The following PHF24 variants were observed in gnomAD, a reference collection of about 807,000 sequenced individuals.
PHF24 encodes PHD finger protein 24.
A neutral mutation model predicts 42.6 loss-of-function variants in PHF24; 25 were observed. The ratio of observed to expected loss-of-function variants is 0.59; its 90% CI spans 0.43 to 0.82. PHF24 has a LOEUF of 0.82. Ranked by LOEUF, PHF24 falls within the 40% of genes least tolerant of loss-of-function variation. The pLI, the probability that PHF24 is intolerant of heterozygous loss-of-function variation, is 0.00. For missense variants in PHF24, 470 were observed against 538.1 expected (o/e 0.87, Z 1.25); for synonymous variants, 185 against 204.8 (o/e 0.90, Z 0.83).
intron 1 of PHF24, among the ~76,000 whole-genome samples, chr9:34,966,242 G>T (rs1436622949): frequency 6.6e-6 from 1 of 152,090 alleles, no homozygotes; most frequent in Non-Finnish European, 1.5e-5. Flanking sequence ...CCTGCCACAG[G>T]ATCCAGCCAA....
chr9:34,672,992 A>G, the PHF24 span, among the ~76,000 whole-genome samples: 1 of 152,090 alleles, frequency 6.6e-6, no homozygotes, highest in Non-Finnish European at 1.5e-5. Flanking sequence ...ATTAAATTTC[A>G]GCATGAGTTT....
chr9:34,758,760 A>C, the PHF24 span, among the ~76,000 whole-genome samples: 38 of 152,122 alleles, frequency 2.5e-4, 1 homozygote, highest in Non-Finnish European at 1.5e-5. The surrounding 1 kb of genome is among the most constrained non-coding windows in gnomAD (Gnocchi z 4.4). Flanking sequence ...AGCTGTGTGA[A>C]TATTAGGCAG....
intron 1 of PHF24, among the ~76,000 whole-genome samples, chr9:34,964,050 A>C (rs1334312369): frequency 6.6e-6 from 1 of 152,232 alleles, no homozygotes; most frequent in African/African-American, 2.4e-5. Flanking sequence ...TTTAATTCAC[A>C]TGCTCTGTGG....
At chr9:34,890,926 G>A in the PHF24 span, among the ~76,000 whole-genome samples, 1,013 of 152,284 alleles carry the variant, frequency 6.7e-3, 8 homozygotes, top group African/African-American at 0.018. Context: ...TTGGTGTTTT[G>A]AAAGCATGGC....
At chr9:34,880,345 T>C in the PHF24 span, among the ~76,000 whole-genome samples, 2 of 152,170 alleles carry the variant, frequency 1.3e-5, no homozygotes, top group African/African-American at 4.8e-5. Context: ...AATTTACACA[T>C]AACAATATTA....
At chr9:34,839,368 T>C in the PHF24 span, among the ~76,000 whole-genome samples, 13 of 152,210 alleles carry the variant, frequency 8.5e-5, no homozygotes, top group Non-Finnish European at 1.6e-4. Flanking sequence ...AGGATTTTTA[T>C]TTGTTTGCTT....
At chr9:34,673,684 T>G in the PHF24 span, among the ~76,000 whole-genome samples, 4,422 of 150,936 alleles carry the variant, frequency 0.029, 213 homozygotes, top group African/African-American at 0.1. Flanking sequence ...TGCAGTGGTG[T>G]GATCTCGGCT....
the PHF24 span, among the ~76,000 whole-genome samples, chr9:34,897,349 G>A: frequency 6.6e-5 from 10 of 152,144 alleles, no homozygotes; most frequent in African/African-American, 2.4e-4. Context: ...CAAAGACAAG[G>A]CATCCACAAG....
the PHF24 span, among the ~76,000 whole-genome samples, chr9:34,722,036 A>G: frequency 4.0e-5 from 6 of 151,804 alleles, no homozygotes; most frequent in African/African-American, 1.5e-4. Context: ...CTCCATTTAC[A>G]CTTAGTTGTT....
chr9:34,827,147 C>G, the PHF24 span, among the ~76,000 whole-genome samples: 3 of 152,116 alleles, frequency 2.0e-5, no homozygotes, highest in Non-Finnish European at 1.5e-5. Flanking sequence ...CCTGCTCCAC[C>G]CTAAACCAGG....
chr9:34,823,145 G>A, the PHF24 span, among the ~76,000 whole-genome samples: 1 of 140,820 alleles, frequency 7.1e-6, no homozygotes, highest in Admixed American at 7.8e-5. Flanking sequence ...GCAGTGAGCC[G>A]AGATTGCGCC....
At chr9:34,716,565 C>CTTTGCTTTGTTTTGTTTTGT in the PHF24 span, among the ~76,000 whole-genome samples, 1 of 148,212 alleles carries the variant, frequency 6.7e-6, no homozygotes, top group African/African-American at 2.5e-5. Context: ...TTTTGTTTTG[C>CTTTGCTTTGTTTTGTTTTGT]TTTGTTTTGT....
the PHF24 span, among the ~76,000 whole-genome samples, chr9:34,947,074 C>A: frequency 6.6e-6 from 1 of 152,170 alleles, no homozygotes; most frequent in Non-Finnish European, 1.5e-5. Flanking sequence ...CATTCAGCTG[C>A]CAATTATAGT....
chr9:34,842,965 TTAA>T, the PHF24 span, among the ~76,000 whole-genome samples: 27 of 152,218 alleles, frequency 1.8e-4, no homozygotes, highest in African/African-American at 5.3e-4. Context: ...GTTTCTCTAA[TTAA>T]TAATGATGTT....
upstream of PHF24, among the ~76,000 whole-genome samples, chr9:34,952,712 C>CA (rs1826292993): frequency 6.6e-6 from 1 of 152,120 alleles, no homozygotes; most frequent in African/African-American, 2.4e-5. Flanking sequence ...TAGACCCACA[C>CA]AAAAATTGCC....
At chr9:34,858,686 G>A in the PHF24 span, among the ~76,000 whole-genome samples, 1 of 152,164 alleles carries the variant, frequency 6.6e-6, no homozygotes, top group Non-Finnish European at 1.5e-5. Context: ...GCCTGACTCT[G>A]GGTTGGTTTG....
At chr9:34,789,190 T>G in the PHF24 span, among the ~76,000 whole-genome samples, 1 of 151,852 alleles carries the variant, frequency 6.6e-6, no homozygotes, top group African/African-American at 2.4e-5. Flanking sequence ...AAGACAGAGG[T>G]GGGAACTTCA....
chr9:34,885,460 TA>T, the PHF24 span, among the ~76,000 whole-genome samples: 72,155 of 152,024 alleles, frequency 0.47, 17,723 homozygotes, highest in Non-Finnish European at 0.54. Flanking sequence ...CAACATGTCA[TA>T]AAGAAGTCAT....
the PHF24 span, among the ~76,000 whole-genome samples, chr9:34,860,479 A>G: frequency 6.6e-6 from 1 of 152,218 alleles, no homozygotes; most frequent in Non-Finnish European, 1.5e-5. Context: ...GTTTGAATCT[A>G]TGTATAAAGC....
Sources: allele counts gnomAD v4.1 joint callset (sites outside exome capture counted in the v4.1 genomes callset), GRCh38; gene constraint gnomAD v4.1.1; non-coding constraint Gnocchi (gnomAD v3.1); transcripts MANE v1.5; gene names NCBI Gene and HGNC (gene_info 2026-07-23, HGNC 2026-07-21).